Variants in TENT4B observed in about 807,000 individuals in gnomAD.
TENT4B encodes the protein terminal nucleotidyltransferase 4B, also known as PAP associated domain containing 5.
A neutral mutation model predicts 75.0 loss-of-function variants in TENT4B; 10 were observed. The ratio of observed to expected loss-of-function variants is 0.13; its 90% CI spans 0.08 to 0.23. TENT4B has a LOEUF of 0.23. TENT4B is among the 10% of genes least tolerant of loss of function. The pLI is 1.00. For synonymous variants in TENT4B, 350 were observed against 357.7 expected, an observed-to-expected ratio of 0.98 and a Z score of 0.24; for missense variants, 579 against 893.8, an observed-to-expected ratio of 0.65 and a Z score of 4.49.
chr16:50,153,072 G>A (rs1277035591), upstream of TENT4B: 7 of 1,407,650 alleles, frequency 5.0e-6, no homozygotes, highest in East Asian at 9.2e-5. Context: ...AGTACGGTTG[G>A]GCCAGGCGGT....
In TENT4B at chr16:50,212,396, A is replaced by C. The variant is rs946532485; in HGVS notation, c.762+950A>C. Among the ~76,000 whole-genome samples the C allele has an allele frequency of 2.6e-5, 4 of 152,266 alleles. No individual in the cohort carries two copies. The East Asian group carries it at 7.7e-4, about 29-fold the overall frequency. ...AAGTTAATACGTCACTTTTTAGGGC[A>C]CTTTGAGGGCCTGTTCTACAATTTT... On this transcript the variant is annotated intron_variant, in intron 2 of 11. Coordinates refer to ENST00000561678, the MANE Select transcript of TENT4B (RefSeq NM_001365324.3).
At position 50,211,935 on chromosome 16, in the gene TENT4B, A is replaced by T. The variant is rs556167102; in HGVS notation, c.762+489A>T. Among the ~76,000 whole-genome samples the T allele has an allele frequency of 5.9e-5, 9 of 152,242 alleles. No homozygotes were observed. In the East Asian group the frequency reaches 1.7e-3, roughly 29 times the overall value. On this transcript the variant is annotated intron_variant, in intron 2 of 11. Coordinates refer to ENST00000561678, the MANE Select transcript of TENT4B (RefSeq NM_001365324.3). Reference sequence around the variant, plus strand: ...TAAGTCTTTTCTTATTTCTTTCCTGAAATTGCCATTTTTCATCTCTCTCAG... The same window carrying T: ...TAAGTCTTTTCTTATTTCTTTCCTGTAATTGCCATTTTTCATCTCTCTCAG...
chr16:50,225,368 G>A (rs2150749271), intron 10 of TENT4B, 83 bp downstream of exon 10: 1 of 1,242,374 alleles, frequency 8.0e-7, no homozygotes, highest in East Asian at 2.4e-5. Context: ...GAAGGCTAAG[G>A]CTACTTCCTT....
Position 50,209,128 on chromosome 16 carries a change from G to C in TENT4B, c.639-2195G>C, listed in dbSNP as rs114969285. Among the ~76,000 whole-genome samples, 278 of 152,228 alleles carry C rather than the reference G, an allele frequency of 1.8e-3. 1 individual carries two copies. Among genetic ancestry groups the C allele is most frequent in the African/African-American group, 5.9e-3 (245 of 41,548 alleles). ...TATTTGAATTAGAAAATTCGTAAGG[G>C]GGCCTTGAGAGTAGATGCAGTCACA... On this transcript the variant is annotated intron_variant, in intron 1 of 11. Transcript: ENST00000561678.
rs556801305 is a variant in TENT4B, at chr16:50,167,169, T to C, written c.638+12910T>C. Among the ~76,000 whole-genome samples the C allele has an allele frequency of 5.9e-5, 9 of 152,284 alleles. No individual in the cohort carries two copies. In the South Asian group the frequency reaches 1.9e-3, roughly 32 times the overall value. ...CCACATTAGAAGAAGAAGAATTGTC[T>C]TGGGCCACACATAAAATACACTAAC... On this transcript the variant is annotated intron_variant, in intron 1 of 11. Coordinates refer to ENST00000561678, the MANE Select transcript of TENT4B (RefSeq NM_001365324.3).
At chr16:50,164,068 A>G (rs1291154831) in intron 1 of TENT4B, among the ~76,000 whole-genome samples, 2 of 151,968 alleles carry the variant, frequency 1.3e-5, no homozygotes, top group African/African-American at 4.8e-5. Flanking sequence ...GAGGCAGGAG[A>G]ATCACTTGAA....
At chr16:50,201,611 G>C (rs377126615) in intron 1 of TENT4B, among the ~76,000 whole-genome samples, 28 of 152,176 alleles carry the variant, frequency 1.8e-4, no homozygotes, top group African/African-American at 6.3e-4. Flanking sequence ...GGGAAGCCAA[G>C]GCAGGTAGAT....
chr16:50,154,614 C>G (rs997371426), intron 1 of TENT4B, among the ~76,000 whole-genome samples: 3 of 151,980 alleles, frequency 2.0e-5, no homozygotes, highest in Non-Finnish European at 4.4e-5. Flanking sequence ...CGCCTCCAGC[C>G]CTCCACACCT....
intron 1 of TENT4B, among the ~76,000 whole-genome samples, chr16:50,183,642 G>T (rs1304678354): frequency 6.6e-6 from 1 of 151,292 alleles, no homozygotes; most frequent in African/African-American, 2.4e-5. Flanking sequence ...AGAAAATTGT[G>T]TGTCCTTGGC....
intron 1 of TENT4B, among the ~76,000 whole-genome samples, chr16:50,205,705 C>T (rs982490353): frequency 6.6e-6 from 1 of 150,886 alleles, no homozygotes; most frequent in Non-Finnish European, 1.5e-5. Context: ...ATTCTCATGC[C>T]TCAGCCTCCC....
In TENT4B at chr16:50,153,520, G is replaced by A. The variant is rs1221654279; in HGVS notation, c.-102G>A. On this transcript the variant is annotated 5_prime_UTR_variant, in exon 1 of 12. Coordinates refer to ENST00000561678, the MANE Select transcript of TENT4B (RefSeq NM_001365324.3). ...AGCAGCAGCAGCAGCGGCAGCAGCG[G>A]CAGCAGCAGCAGCAGCCGAGGCCGG... is the stretch of plus-strand genomic sequence containing the variant. 14 of 891,574 alleles carry A rather than the reference G, an allele frequency of 1.6e-5. No homozygotes were observed. The highest frequency in any genetic ancestry group is 1.7e-5 in the Non-Finnish European group (13 of 747,916). 55.2% of individuals were successfully genotyped at this position (891,574 alleles called of 1,614,324 possible).
rs765124440 is a variant in TENT4B at position 50,153,509 on chromosome 16, C to CA, written c.-113_-112insA. 0.18 allele frequency: 72,037 copies of CA among 390,410 alleles called. 2,290 individuals are homozygous for CA. The highest frequency in any genetic ancestry group is 0.21 in the Non-Finnish European group (60,478 of 290,618). 24.2% of individuals were successfully genotyped at this position (390,410 alleles called of 1,614,324 possible). ...CCCCGAGCAGCAGCAGCAGCAGCAGCGGCAGCAGCGGCAGCAGCAGCAGCA... is the reference window on the plus strand; with the variant it reads ...CCCCGAGCAGCAGCAGCAGCAGCAGCAGGCAGCAGCGGCAGCAGCAGCAGCA... On this transcript the variant is annotated 5_prime_UTR_variant, in exon 1 of 12. Coordinates refer to ENST00000561678, the MANE Select transcript of TENT4B (RefSeq NM_001365324.3).
At position 50,160,040 on chromosome 16, in the gene TENT4B, C is replaced by T. The variant is rs753687741; in HGVS notation, c.638+5781C>T. 1.2e-3 allele frequency among the ~76,000 whole-genome samples: 186 copies of T among 152,248 alleles called. 1 individual carries two copies. Among genetic ancestry groups the T allele is most frequent in the Admixed American group, 0.01 (158 of 15,290 alleles). On this transcript the variant is annotated intron_variant, in intron 1 of 11. Transcript: ENST00000561678. Reference sequence around the variant, plus strand: ...TCAGCCTCCTGAGTAGCTGGGATTACAGGCACCCGCCACCACACCGGCTAA... The same window carrying T: ...TCAGCCTCCTGAGTAGCTGGGATTATAGGCACCCGCCACCACACCGGCTAA...
intron 9 of TENT4B, 28 bp from the exon 10 acceptor site, chr16:50,225,070 G>T: frequency 6.2e-7 from 1 of 1,608,452 alleles, no homozygotes; most frequent in Non-Finnish European, 8.5e-7. Flanking sequence ...GGGAAGAAAC[G>T]TTTTCCAATC....
intron 1 of TENT4B, among the ~76,000 whole-genome samples, chr16:50,190,989 A>AT (rs2038627471): frequency 6.6e-6 from 1 of 151,982 alleles, no homozygotes; most frequent in Non-Finnish European, 1.5e-5. Flanking sequence ...TGACCAGCTT[A>AT]TTTCATTAGC....
At chr16:50,216,421 C>T (rs2031556477) in intron 4 of TENT4B, among the ~76,000 whole-genome samples, 1 of 152,198 alleles carries the variant, frequency 6.6e-6, no homozygotes, top group Non-Finnish European at 1.5e-5. Flanking sequence ...AGTGATCCTT[C>T]TACCTCAGCC....
chr16:50,231,973 C>T lies in TENT4B; in HGVS notation c.*2645C>T. 1.0e-6 allele frequency: 1 copy of T among 983,634 alleles called. No individual in the cohort carries two copies. Among genetic ancestry groups the T allele is most frequent in the Non-Finnish European group, 1.2e-6 (1 of 828,332 alleles). The allele number at this position is 983,634 out of a possible 1,614,324, so 60.9% of individuals were successfully genotyped here. A position where few individuals can be genotyped will look rare whatever the true frequency, so the allele number is the denominator to read the frequency against. ...TTAGAGTCCATTCATATCCATGAATCATAACCTTCCTTTGCTAATACTTGT... is the reference window on the plus strand; with the variant it reads ...TTAGAGTCCATTCATATCCATGAATTATAACCTTCCTTTGCTAATACTTGT... On this transcript the variant is annotated 3_prime_UTR_variant, in exon 12 of 12. Coordinates refer to ENST00000561678, the MANE Select transcript of TENT4B (RefSeq NM_001365324.3).
intron 1 of TENT4B, among the ~76,000 whole-genome samples, chr16:50,163,766 A>ATATG (rs2038045358): frequency 6.6e-6 from 1 of 151,774 alleles, no homozygotes; most frequent in Non-Finnish European, 1.5e-5. Context: ...ATATATATAT[A>ATATG]TATTTTATGT....
intron 1 of TENT4B, among the ~76,000 whole-genome samples, chr16:50,163,458 C>T (rs1483742393): frequency 6.7e-6 from 1 of 148,584 alleles, no homozygotes; most frequent in Non-Finnish European, 1.5e-5. Context: ...CGCTCTGTCG[C>T]CCACCATCTC....
Sources: gnomAD v4.1 joint callset for allele counts (sites outside exome capture counted in the v4.1 genomes callset) on GRCh38, gnomAD v4.1.1 for gene constraint, MANE v1.5 for transcripts, NCBI Gene and HGNC (gene_info 2026-07-23, HGNC 2026-07-21) for gene names.